The following NRG1 variants were observed in gnomAD, a reference collection of about 807,000 sequenced individuals.
NRG1 encodes the protein pro-neuregulin-1, membrane-bound isoform.
A neutral mutation model predicts 63.8 loss-of-function variants in NRG1; 18 were observed. The ratio of observed to expected loss-of-function variants is 0.28; its 90% CI spans 0.19 to 0.42. NRG1 has a LOEUF of 0.42. Among genes scored for constraint, NRG1 ranks in the 10% least tolerant of loss-of-function variants. NRG1 has a pLI of 1.00. For missense variants in NRG1, 762 were observed against 814.7 expected (o/e 0.94, Z 0.79); for synonymous variants, 302 against 301.3 (o/e 1.00, Z -0.02).
At chr8:32,163,742 A>C (rs1306653715) in intron 1 of NRG1, among the ~76,000 whole-genome samples, 2 of 152,230 alleles carry the variant, frequency 1.3e-5, no homozygotes, top group African/African-American at 4.8e-5. Context: ...CATAACTTGC[A>C]AAGGTGGAAA....
chr8:32,096,964 G>A (rs1219650121), intron 1 of NRG1, among the ~76,000 whole-genome samples: 1 of 152,130 alleles, frequency 6.6e-6, no homozygotes, highest in South Asian at 2.1e-4. Flanking sequence ...CTAACTGTAT[G>A]TTTTTGCACA....
chr8:31,901,761 T>G (rs947992105), intron 1 of NRG1, among the ~76,000 whole-genome samples: 4 of 152,216 alleles, frequency 2.6e-5, no homozygotes, highest in African/African-American at 9.6e-5. Context: ...AGTTTAAATA[T>G]TTTATATGAC....
At chr8:32,253,325 G>A (rs1361288907) in intron 1 of NRG1, among the ~76,000 whole-genome samples, 1 of 152,046 alleles carries the variant, frequency 6.6e-6, no homozygotes, top group African/African-American at 2.4e-5. Context: ...TTGCCTGGGG[G>A]GTTGCCATAA....
At chr8:32,515,492 A>G (rs960597512) in intron 1 of NRG1, among the ~76,000 whole-genome samples, 3 of 151,918 alleles carry the variant, frequency 2.0e-5, no homozygotes, top group African/African-American at 7.3e-5. Context: ...TGTTTCCCAG[A>G]CCAGAGTGCA....
chr8:31,889,281 T>G (rs188645714), intron 1 of NRG1, among the ~76,000 whole-genome samples: 1 of 152,292 alleles, frequency 6.6e-6, no homozygotes, highest in East Asian at 1.9e-4. Flanking sequence ...TGATGCCCCT[T>G]TTCTAAGATT....
intron 5 of NRG1, among the ~76,000 whole-genome samples, chr8:32,660,262 CA>C (rs1217593948): frequency 6.6e-6 from 1 of 152,102 alleles, no homozygotes; most frequent in Admixed American, 6.6e-5. Context: ...TTCCAAAATC[CA>C]AAACACTTCT....
chr8:31,942,570 G>C (rs1801909414), intron 1 of NRG1, among the ~76,000 whole-genome samples: 1 of 151,952 alleles, frequency 6.6e-6, no homozygotes, highest in Non-Finnish European at 1.5e-5. Context: ...TTTCTGCACA[G>C]CAAAAAAAAT....
intron 1 of NRG1, among the ~76,000 whole-genome samples, chr8:32,159,632 G>T (rs565731831): frequency 1.3e-5 from 2 of 150,930 alleles, no homozygotes; most frequent in Non-Finnish European, 2.9e-5. Flanking sequence ...TTAAAATAAA[G>T]AAACATTTGG....
At chr8:32,086,341 A>G (rs1828216182) in intron 1 of NRG1, among the ~76,000 whole-genome samples, 1 of 152,208 alleles carries the variant, frequency 6.6e-6, no homozygotes, top group African/African-American at 2.4e-5. Flanking sequence ...AGGCAAGACA[A>G]GGTGTTTCTG....
downstream of NRG1, among the ~76,000 whole-genome samples, chr8:32,772,036 A>AAATGTATAT (rs1564160296): frequency 3.6e-4 from 5 of 13,930 alleles, no homozygotes; most frequent in Non-Finnish European, 9.2e-4. Flanking sequence ...AAAAAAAAAA[A>AAATGTATAT]ATATGTATAT....
chr8:31,716,311 A>G (rs190373819), intron 1 of NRG1, among the ~76,000 whole-genome samples: 50 of 152,288 alleles, frequency 3.3e-4, no homozygotes, highest in African/African-American at 1.1e-3. Flanking sequence ...TTCTTTTTGC[A>G]TGATGCTGAC....
At chr8:31,986,397 T>C (rs933994717) in intron 1 of NRG1, among the ~76,000 whole-genome samples, 5 of 152,058 alleles carry the variant, frequency 3.3e-5, no homozygotes, top group African/African-American at 9.7e-5. Flanking sequence ...GACTTTGAGA[T>C]GACTCTGAAA....
chr8:32,109,526 G>A (rs1412581690), intron 1 of NRG1, among the ~76,000 whole-genome samples: 1 of 152,136 alleles, frequency 6.6e-6, no homozygotes, highest in East Asian at 1.9e-4. Context: ...GTTCTGTGTT[G>A]TTGCACTGCA....
At chr8:32,754,970 C>G (rs1183136240) in intron 8 of NRG1, among the ~76,000 whole-genome samples, 1 of 152,072 alleles carries the variant, frequency 6.6e-6, no homozygotes, top group African/African-American at 2.4e-5. Flanking sequence ...CTGAAAATTA[C>G]GAGATAAAGG....
chr8:32,631,011 T>C (rs1850191262), intron 5 of NRG1, among the ~76,000 whole-genome samples: 1 of 152,170 alleles, frequency 6.6e-6, no homozygotes, highest in African/African-American at 2.4e-5. Flanking sequence ...TGATTTTTCC[T>C]GGATCACTAA....
At chr8:32,008,427 G>C (rs889917599) in intron 1 of NRG1, among the ~76,000 whole-genome samples, 1 of 151,758 alleles carries the variant, frequency 6.6e-6, no homozygotes, top group South Asian at 2.1e-4. Flanking sequence ...GCCACTGCTA[G>C]GAAAAAAAAT....
intron 5 of NRG1, among the ~76,000 whole-genome samples, chr8:32,723,429 C>G (rs772312636): frequency 3.3e-5 from 5 of 151,996 alleles, no homozygotes; most frequent in Non-Finnish European, 7.4e-5. Flanking sequence ...CGCCTGTAAT[C>G]CCAGCAATTT....
At chr8:32,527,589 G>A (rs956112205) in intron 1 of NRG1, among the ~76,000 whole-genome samples, 6 of 148,578 alleles carry the variant, frequency 4.0e-5, no homozygotes, top group East Asian at 2.3e-4. Flanking sequence ...AGATTTCATC[G>A]CTATTCAGTA....
chr8:31,761,501 C>G (rs146444850), intron 1 of NRG1, among the ~76,000 whole-genome samples: 1 of 152,020 alleles, frequency 6.6e-6, no homozygotes, highest in African/African-American at 2.4e-5. Flanking sequence ...AGTTGTGTGA[C>G]TCTTCCTTTC....
Sources: allele counts gnomAD v4.1 joint callset (sites outside exome capture counted in the v4.1 genomes callset), GRCh38; gene constraint gnomAD v4.1.1; transcripts MANE v1.5; gene names NCBI Gene and HGNC (gene_info 2026-07-23, HGNC 2026-07-21).